Variants in ZAN observed in about 807,000 individuals in gnomAD.
ZAN encodes the protein zonadhesin.
A neutral mutation model predicts 286.2 loss-of-function variants in ZAN; 260 were observed. The observed-to-expected ratio is 0.91, with a 90% CI of 0.82 to 1.01. ZAN has a LOEUF of 1.01. Among genes scored for constraint, ZAN ranks in the 50% least tolerant of loss-of-function variants. The pLI is 0.00. For missense variants in ZAN, 3,410 were observed against 3,639.2 expected, an observed-to-expected ratio of 0.94 and a Z score of 1.62; for synonymous variants, 1,368 against 1,417.5, an observed-to-expected ratio of 0.97 and a Z score of 0.79.
chr7:100,790,879 TAAAAA>T, intron 39 of ZAN, 58 bp from the exon 40 acceptor site: 155 of 1,209,426 alleles, frequency 1.3e-4, no homozygotes, highest in Admixed American at 2.0e-4. Context: ...CAAGACTGTC[TAAAAA>T]AAAAAAAAAA....
rs199940404 is a variant in ZAN at position 100,758,301 on chromosome 7, G to A, written c.3409G>A (p.Val1137Met). 4.8e-4 allele frequency: 779 copies of A among 1,613,296 alleles called. 2 individuals carry two copies. The highest frequency in any genetic ancestry group is 6.3e-4 in the Non-Finnish European group (739 of 1,179,860). ...GATCTCTCAGTGTGGGACACACACC[G>A]TGTGCCAGCTTAAGAATGGCCAGTA... is the stretch of plus-strand genomic sequence containing the variant. ...CQISQCGTHT[V>M]CQLKNGQYGC... is the part of the protein sequence containing the mutation. Residue 1137 changes from valine to methionine, a missense_variant, in exon 16 of 48, where the codon GTG becomes ATG. Val to Met is a conservative substitution (Grantham distance 21). Around this residue, in one of 7 missense-constraint regions of ZAN, gnomAD observed 1,042 missense variants for 1,058.0 expected, o/e 0.98. Coordinates refer to ENST00000613979, the MANE Select transcript of ZAN (RefSeq NM_003386.3).
At position 100,742,912 on chromosome 7, in the gene ZAN, A is replaced by T. The variant is rs1189604548; in HGVS notation, c.767-3626A>T. ...GAGGGGGACGGGGACGATCTGACTT[A>T]TTTTTTAAGGATTTTTTTTGTGTTG... On this transcript the variant is annotated intron_variant, in intron 7 of 47. Transcript: ENST00000613979. Among the ~76,000 whole-genome samples, 12 of 96,684 alleles carry T rather than the reference A, an allele frequency of 1.2e-4. 2 individuals carry two copies. The highest frequency in any genetic ancestry group is 3.4e-4 in the African/African-American group (9 of 26,344). The allele number at this position is 96,684 out of a possible 152,430, so 63.4% of individuals were successfully genotyped here. A position where few individuals can be genotyped will look rare whatever the true frequency, so the allele number is the denominator to read the frequency against.
chr7:100,768,525 G>A (rs1490791598), intron 26 of ZAN, 85 bp from the exon 27 acceptor site: 1 of 1,130,170 alleles, frequency 8.8e-7, no homozygotes, highest in African/African-American at 1.6e-5. Flanking sequence ...AGAATGAAAA[G>A]TGAGGGTGCC....
chr7:100,761,863 C>T (rs772383508), intron 19 of ZAN, among the ~76,000 whole-genome samples: 37 of 151,662 alleles, frequency 2.4e-4, no homozygotes, highest in Admixed American at 5.9e-4. Flanking sequence ...CACTAGAACC[C>T]GGGAGGTGGA....
At chr7:100,755,026 A>G (rs966592952) in intron 14 of ZAN, among the ~76,000 whole-genome samples, 200 bp from the exon 15 acceptor site, 4 of 151,584 alleles carry the variant, frequency 2.6e-5, no homozygotes, top group African/African-American at 9.7e-5. Context: ...TTGGCCTCAA[A>G]CAGTCCTCCT....
intron 7 of ZAN, among the ~76,000 whole-genome samples, chr7:100,745,340 G>A (rs1348782099): frequency 2.0e-5 from 3 of 151,586 alleles, no homozygotes; most frequent in African/African-American, 4.9e-5. Flanking sequence ...AGGAGTGAGC[G>A]CGCGCCAGGC....
In ZAN at chr7:100,792,544, G is replaced by A. The variant is rs140343151; in HGVS notation, c.7787+65G>A. On this transcript the variant is annotated intron_variant, in intron 42 of 47. Transcript: ENST00000613979. The stretch of plus-strand genomic sequence containing the variant: ...TGGCTGGCGGGACCGCACCCTCTGC[G>A]GTGAGGTGTTGCCCCTCCCTGTGCC... 784 of 1,604,208 alleles carry A rather than the reference G, an allele frequency of 4.9e-4. 5 individuals carry two copies. In the African/African-American group the frequency reaches 8.7e-3, roughly 18 times the overall value.
chr7:100,787,841 C>T (rs778548732), intron 37 of ZAN, 48 bp from the exon 38 acceptor site: 22 of 1,442,590 alleles, frequency 1.5e-5, no homozygotes, highest in Middle Eastern at 2.0e-4. Context: ...GGATTACAGG[C>T]GTGAGCCACT....
At position 100,746,537 on chromosome 7, in the gene ZAN, G is replaced by A; in HGVS notation, c.767-1G>A. The A allele has an allele frequency of 1.2e-6, 2 of 1,613,850 alleles. No individual in the cohort carries two copies. Among genetic ancestry groups the A allele is most frequent in the Admixed American group, 1.7e-5 (1 of 59,988 alleles). On this transcript the variant is annotated splice_acceptor_variant, in intron 7 of 47. Coordinates refer to ENST00000613979, the MANE Select transcript of ZAN (RefSeq NM_003386.3). LOFTEE classifies it high-confidence loss of function. ...CAGTTCCCTGGCCTTTTGCTTCACA[G>A]GTGGCTGCTACATGCTCCTGGACCC...
intron 35 of ZAN, among the ~76,000 whole-genome samples, chr7:100,783,949 T>G (rs1250327840): frequency 6.7e-6 from 1 of 149,432 alleles, no homozygotes; most frequent in East Asian, 2.0e-4. Flanking sequence ...TCACACTATT[T>G]TTGCTTAAGG....
At chr7:100,757,851 G>A (rs1456676353) in intron 15 of ZAN, among the ~76,000 whole-genome samples, 3 of 151,072 alleles carry the variant, frequency 2.0e-5, no homozygotes, top group Non-Finnish European at 4.4e-5. Context: ...AAGGCAGGAG[G>A]GTCACTTGAG....
chr7:100,797,544 G>A (rs2116377661), intron 46 of ZAN, 33 bp from the exon 47 acceptor site: 1 of 1,613,546 alleles, frequency 6.2e-7, no homozygotes, highest in Non-Finnish European at 8.5e-7. Context: ...AGGGCCACTT[G>A]GGGACCCATG....
At chr7:100,743,960 T>G (rs1351111975) in intron 7 of ZAN, among the ~76,000 whole-genome samples, 4 of 151,328 alleles carry the variant, frequency 2.6e-5, no homozygotes, top group Non-Finnish European at 5.9e-5. Flanking sequence ...CAAGCCATCT[T>G]CCTGCTTCGG....
chr7:100,797,286 A>G lies in ZAN; in HGVS notation c.8267-80A>G, dbSNP rs1458282793. 12 of 1,335,986 alleles carry G rather than the reference A, an allele frequency of 9.0e-6. No homozygotes were observed. The African/African-American group carries it at 1.4e-4, about 16-fold the overall frequency. 82.8% of individuals were successfully genotyped at this position (1,335,986 alleles called of 1,614,324 possible). ...ATGAGGTCCCCTGGGGTAGCAAGCAATCCCCAAAAGGGAGTACCCCTCAGT... is the reference window on the plus strand; with the variant it reads ...ATGAGGTCCCCTGGGGTAGCAAGCAGTCCCCAAAAGGGAGTACCCCTCAGT... On this transcript the variant is annotated intron_variant, in intron 45 of 47. Coordinates refer to ENST00000613979, the MANE Select transcript of ZAN (RefSeq NM_003386.3).
At chr7:100,785,932 T>A (rs1811533136) in intron 36 of ZAN, 65 bp from the exon 37 acceptor site, 4 of 1,540,810 alleles carry the variant, frequency 2.6e-6, no homozygotes, top group Non-Finnish European at 1.7e-6. Flanking sequence ...GTGTTGGGAT[T>A]ACAGGCGTGA....
intron 45 of ZAN, 122 bp from the exon 46 acceptor site, chr7:100,797,244 C>A: frequency 1.1e-6 from 1 of 883,940 alleles, no homozygotes; most frequent in Non-Finnish European, 1.8e-6. Context: ...AGCAGACACA[C>A]CTAGAGATTT....
In ZAN at chr7:100,775,204, C is replaced by T. The variant is rs181204317; in HGVS notation, c.5780-124C>T. On this transcript the variant is annotated intron_variant, in intron 31 of 47. Coordinates refer to ENST00000613979, the MANE Select transcript of ZAN (RefSeq NM_003386.3). Reference sequence around the variant, plus strand: ...CTGGGATTACAGGCATGAGCCACTGCGCACAGCCGGACCTGGGGTCTTGAC... The same window carrying T: ...CTGGGATTACAGGCATGAGCCACTGTGCACAGCCGGACCTGGGGTCTTGAC... 1,529 of 1,411,450 alleles carry T rather than the reference C, an allele frequency of 1.1e-3. 17 individuals are homozygous for T. In the African/African-American group the frequency reaches 0.018, roughly 17 times the overall value. The allele number at this position is 1,411,450 out of a possible 1,614,324, so 87.4% of individuals were successfully genotyped here. A position where few individuals can be genotyped will look rare whatever the true frequency, so the allele number is the denominator to read the frequency against.
Position 100,764,087 on chromosome 7 carries a change from C to A in ZAN, c.4158C>A (p.Cys1386Ter). The A allele has an allele frequency of 6.2e-7, 1 of 1,613,664 alleles. No homozygotes were observed. Among genetic ancestry groups the A allele is most frequent in the Non-Finnish European group, 8.5e-7 (1 of 1,179,784 alleles). Residue 1386 changes from cysteine (C) to a stop codon, truncating the protein, a stop_gained, in exon 22 of 48, where the codon TGC becomes TGA. Coordinates refer to ENST00000613979, the MANE Select transcript of ZAN (RefSeq NM_003386.3). LOFTEE classifies it high-confidence loss of function. ...SFFDSCMLDMCGFQGLQHLLC... is the reference protein window; with the variant it reads ...SFFDSCMLDM ...TCGACAGCTGCATGCTTGATATGTG[C>A]GGATTCCAGGGGCTGCAGCACCTGC...
chr7:100,765,135 G>A (rs1469211366), intron 22 of ZAN, among the ~76,000 whole-genome samples: 1 of 152,198 alleles, frequency 6.6e-6, no homozygotes, highest in Non-Finnish European at 1.5e-5. Flanking sequence ...TCCCACCATA[G>A]GTCTATCTAA....
Sources: gnomAD v4.1 joint callset for allele counts (sites outside exome capture counted in the v4.1 genomes callset) on GRCh38, gnomAD v4.1.1 for gene constraint, gnomAD v4.1.1 regional missense constraint, MANE v1.5 for transcripts, NCBI Gene and HGNC (gene_info 2026-07-23, HGNC 2026-07-21) for gene names.